Variants in ITPR3 observed in about 807,000 individuals in gnomAD.
ITPR3 encodes the protein inositol 1,4,5-trisphosphate receptor type 3.
In ITPR3, 173 loss-of-function variants were observed where a neutral mutation model predicts 293.2. The ratio of observed to expected loss-of-function variants is 0.59; its 90% CI spans 0.52 to 0.67. The LOEUF (loss-of-function observed/expected upper bound fraction) is 0.67. Ranked by LOEUF, ITPR3 falls within the 30% of genes least tolerant of loss-of-function variation. The pLI is 0.00. For synonymous variants in ITPR3, 1,295 were observed against 1,444.4 expected (o/e 0.90, Z 2.35); for missense variants, 2,796 against 3,592.1 (o/e 0.78, Z 5.66).
At chr6:33,647,536 C>T (rs955300264) in intron 2 of ITPR3, among the ~76,000 whole-genome samples, 1 of 152,196 alleles carries the variant, frequency 6.6e-6, no homozygotes, top group Non-Finnish European at 1.5e-5. Flanking sequence ...CCCCCCAGCC[C>T]TTGCAACTAC....
At position 33,659,502 on chromosome 6, in the gene ITPR3, A is replaced by C. The variant is rs772457589; in HGVS notation, c.664A>C (p.Asn222His). 44 of 1,614,106 alleles carry C rather than the reference A, an allele frequency of 2.7e-5. No homozygotes were observed. The South Asian group carries it at 4.7e-4, about 17-fold the overall frequency. ...SVNCNTSWKI[N>H]LFMQFRDHLE... ...GAACTGCAACACCAGCTGGAAGATC[A>C]ACCTGTTTATGCAGTTTCGGGACCA... The change falls in exon 7 of 58, where the codon AAC (asparagine) becomes CAC (histidine). Residue 222 changes from asparagine to histidine, a missense_variant. Transcript: ENST00000605930.
intron 41 of ITPR3, 93 bp from the exon 42 acceptor site, chr6:33,685,960 C>G: frequency 6.5e-7 from 1 of 1,526,740 alleles, no homozygotes; most frequent in Non-Finnish European, 8.9e-7. Flanking sequence ...TGGTGGTTCC[C>G]CTACCCCTGC....
At chr6:33,680,242 C>G in intron 31 of ITPR3, 87 bp from the exon 32 acceptor site, 6 of 1,572,440 alleles carry the variant, frequency 3.8e-6, no homozygotes, top group Non-Finnish European at 5.2e-6. Context: ...GGGCAGGAAC[C>G]GGAGGCCAGG....
chr6:33,622,982 T>C (rs1224414895), intron 1 of ITPR3, among the ~76,000 whole-genome samples: 1 of 152,178 alleles, frequency 6.6e-6, no homozygotes, highest in African/African-American at 2.4e-5. Flanking sequence ...CCTGCCTATT[T>C]GTCCCCACTT....
chr6:33,656,685 T>A (rs1248232395), intron 3 of ITPR3, among the ~76,000 whole-genome samples: 1 of 149,196 alleles, frequency 6.7e-6, no homozygotes, highest in Admixed American at 6.6e-5. Context: ...GATCTCGGGG[T>A]CCCAACCCCG....
intron 13 of ITPR3, 105 bp downstream of exon 13, chr6:33,665,318 A>G: frequency 6.9e-7 from 1 of 1,449,528 alleles, no homozygotes; most frequent in Non-Finnish European, 9.3e-7. Flanking sequence ...AACTGGGGAG[A>G]GAGTAGGGGA....
At chr6:33,628,585 C>T (rs1473604272) in intron 1 of ITPR3, among the ~76,000 whole-genome samples, 2 of 152,184 alleles carry the variant, frequency 1.3e-5, no homozygotes, top group Admixed American at 1.3e-4. Context: ...GTTCACAACA[C>T]AGTGAGTCCA....
intron 25 of ITPR3, 97 bp from the exon 26 acceptor site, chr6:33,676,671 C>T (rs1764915281): frequency 2.1e-6 from 3 of 1,433,478 alleles, no homozygotes; most frequent in Admixed American, 1.9e-5. Flanking sequence ...TGGTGGTCTA[C>T]AGGAGGGGAA....
rs534901226 is a variant in ITPR3, at chr6:33,678,876, G to T, written c.3972+37G>T. The T allele has an allele frequency of 1.9e-6, 3 of 1,585,916 alleles. No homozygotes were observed. In the South Asian group the frequency reaches 3.4e-5, roughly 18 times the overall value. On this transcript the variant is annotated intron_variant, in intron 30 of 57. Coordinates refer to ENST00000605930, the MANE Select transcript of ITPR3 (RefSeq NM_002224.4). ...GCTGAGGGGTGCTCAGGCATCTTGG[G>T]GTGGGGGACCGGAGCAGAGGCTTGG...
rs375410588 is a variant in ITPR3 at position 33,663,055 on chromosome 6, G to T, written c.954+49G>T. 1.8e-5 allele frequency: 27 copies of T among 1,505,400 alleles called. No individual in the cohort carries two copies. In the Admixed American group the frequency reaches 2.3e-4, roughly 13 times the overall value. 93.3% of individuals were successfully genotyped at this position (1,505,400 alleles called of 1,614,324 possible). ...CTGGGGCTCGTGTGTGCATGTACACGTGGGTGTGCGGGAACATGTGTGCAC... is the reference window on the plus strand; with the variant it reads ...CTGGGGCTCGTGTGTGCATGTACACTTGGGTGTGCGGGAACATGTGTGCAC... On this transcript the variant is annotated intron_variant, in intron 9 of 57. Coordinates refer to ENST00000605930, the MANE Select transcript of ITPR3 (RefSeq NM_002224.4).
At chr6:33,693,469 T>A (rs1765450945) in intron 55 of ITPR3, 76 bp from the exon 56 acceptor site, 1 of 1,517,944 alleles carries the variant, frequency 6.6e-7, no homozygotes, top group East Asian at 2.3e-5. Flanking sequence ...CCCCGGAAGC[T>A]GGGTCCCCTC....
rs1228852619 is a variant in ITPR3 at position 33,684,955 on chromosome 6, C to T, written c.5307+12C>T. 6.3e-7 allele frequency: 1 copy of T among 1,599,532 alleles called. No individual in the cohort carries two copies. The highest frequency in any genetic ancestry group is 8.5e-7 in the Non-Finnish European group (1 of 1,171,056). On this transcript the variant is annotated intron_variant, in intron 39 of 57. Transcript: ENST00000605930. This position sits in a 1 kb window ranked among gnomAD's most constrained non-coding sequence, Gnocchi z 4.2. ...ACACAGAGATCCAGGTGTGGGGGGC[C>T]TGGGGCCTGGACATGCCCTCCTTTG...
At chr6:33,665,518 G>A (rs375507444) in intron 13 of ITPR3, among the ~76,000 whole-genome samples, 1 of 152,166 alleles carries the variant, frequency 6.6e-6, no homozygotes, top group Non-Finnish European at 1.5e-5. Flanking sequence ...GTAAGTGGCA[G>A]AGTCAGGATG....
At position 33,685,872 on chromosome 6, in the gene ITPR3, C is replaced by T. The variant is rs755854636; in HGVS notation, c.5667+45C>T. On this transcript the variant is annotated intron_variant, in intron 41 of 57. Transcript: ENST00000605930. The stretch of plus-strand genomic sequence containing the variant: ...CCTGCCCCTTCCCCCGCTGGCCAGC[C>T]GGCATGCAGACTAGGCAGTGTGGCT... 3.8e-5 allele frequency: 58 copies of T among 1,545,382 alleles called. No individual in the cohort carries two copies. The South Asian group carries it at 4.8e-4, about 13-fold the overall frequency.
chr6:33,682,575 G>A lies in ITPR3; in HGVS notation c.4528G>A (p.Glu1510Lys), dbSNP rs749739146. 20 of 1,590,910 alleles carry A rather than the reference G, an allele frequency of 1.3e-5. No homozygotes were observed. Among genetic ancestry groups the A allele is most frequent in the African/African-American group, 2.7e-5 (2 of 73,226 alleles). Reference sequence around the variant, plus strand: ...GCTGCAGTCTACCACACGCCTCCTCGAGTGTCCGTGGCTACAGCAGCAGCA... The same window carrying A: ...GCTGCAGTCTACCACACGCCTCCTCAAGTGTCCGTGGCTACAGCAGCAGCA... ...QLLQSTTRLL[E>K]CPWLQQQHKG... is the part of the protein sequence containing the mutation. Residue 1510 changes from glutamate (E) to lysine (K), a missense_variant, in exon 34 of 58, where the codon GAG becomes AAG. This residue lies in a region of ITPR3 where 704 missense variants were observed against 797.5 expected (regional missense o/e 0.88). Transcript: ENST00000605930. This position sits in a 1 kb window ranked among gnomAD's most constrained non-coding sequence, Gnocchi z 5.4.
chr6:33,695,086 G>C lies in ITPR3; in HGVS notation c.7947+1G>C. On this transcript the variant is annotated splice_donor_variant, in intron 57 of 57. Coordinates refer to ENST00000605930, the MANE Select transcript of ITPR3 (RefSeq NM_002224.4). LOFTEE classifies it high-confidence loss of function. ...CCAGCTCAACGAGCTCAAGGAGCAG[G>C]TGTGCACCCCGCCTGATCCCAGGCC... 6.2e-7 allele frequency: 1 copy of C among 1,613,428 alleles called. No individual in the cohort carries two copies. Among genetic ancestry groups the C allele is most frequent in the East Asian group, 2.2e-5 (1 of 44,866 alleles).
In ITPR3 at chr6:33,687,631, G is replaced by C. The variant is rs1765271200; in HGVS notation, c.6264+67G>C. 3.8e-6 allele frequency: 5 copies of C among 1,305,976 alleles called. No individual in the cohort carries two copies. Among genetic ancestry groups the C allele is most frequent in the Non-Finnish European group, 5.4e-6 (5 of 918,586 alleles). 80.9% of individuals were successfully genotyped at this position (1,305,976 alleles called of 1,614,324 possible). The stretch of plus-strand genomic sequence containing the variant: ...AACCCAGGGAGGACACTTGACCCAA[G>C]GGCGTGGCCTGGAACAGAGTGAGGC... On this transcript the variant is annotated intron_variant, in intron 46 of 57. Transcript: ENST00000605930. The surrounding 1 kb of genome is among the most constrained non-coding windows in gnomAD (Gnocchi z 5.3).
At position 33,670,731 on chromosome 6, in the gene ITPR3, G is replaced by T. The variant is rs1305985213; in HGVS notation, c.2502G>T (p.Met834Ile). ...DDKKNKFANTMEFVEDYLNNV... is the reference protein window; with the variant it reads ...DDKKNKFANTIEFVEDYLNNV... ...AGAAGAACAAGTTTGCCAACACCAT[G>T]GAGTTCGTGGAGGACTACCTCAACA... The change falls in exon 20 of 58, where the codon ATG (methionine) becomes ATT (isoleucine). Residue 834 changes from methionine to isoleucine, a missense_variant. Physicochemically the swap from Met to Ile is conservative, Grantham distance 10. Transcript: ENST00000605930. The surrounding 1 kb of genome is among the most constrained non-coding windows in gnomAD (Gnocchi z 6.7). 2.5e-6 allele frequency: 4 copies of T among 1,614,046 alleles called. No homozygotes were observed. In the African/African-American group the frequency reaches 5.3e-5, roughly 22 times the overall value.
chr6:33,676,959 C>T, intron 26 of ITPR3, 27 bp downstream of exon 26: 1 of 1,613,954 alleles, frequency 6.2e-7, no homozygotes, highest in Non-Finnish European at 8.5e-7. Flanking sequence ...GGGGCCAGGG[C>T]AGGCCTCCCT....
Sources: allele counts gnomAD v4.1 joint callset (sites outside exome capture counted in the v4.1 genomes callset), GRCh38; gene constraint gnomAD v4.1.1; regional missense constraint gnomAD v4.1.1; non-coding constraint Gnocchi (gnomAD v3.1); transcripts MANE v1.5; gene names NCBI Gene and HGNC (gene_info 2026-07-23, HGNC 2026-07-21).